The following STRADA variants were observed in gnomAD, a reference collection of about 807,000 sequenced individuals.
STRADA encodes STE20-related kinase adapter protein alpha.
A neutral mutation model predicts 55.0 loss-of-function variants in STRADA; 26 were observed. The ratio of observed to expected loss-of-function variants is 0.47; its 90% CI spans 0.35 to 0.66. The LOEUF (loss-of-function observed/expected upper bound fraction) is 0.66. Among genes scored for constraint, STRADA ranks in the 30% least tolerant of loss-of-function variants. STRADA has a pLI of 0.01. For missense variants in STRADA, 443 were observed against 549.7 expected (o/e 0.81, Z 1.94); for synonymous variants, 197 against 210.9 (o/e 0.93, Z 0.57).
At chr17:63,705,392 C>T (rs2036017702) in intron 10 of STRADA, 1 of 170,816 alleles carries the variant, frequency 5.9e-6, no homozygotes. Context: ...GGTGCTGCTT[C>T]TAGGCCTGGA....
At chr17:63,731,390 G>C (rs1479413100) in intron 1 of STRADA, among the ~76,000 whole-genome samples, 1 of 150,276 alleles carries the variant, frequency 6.7e-6, no homozygotes, top group African/African-American at 2.5e-5. Context: ...AGCCACCCCA[G>C]TAGCTGGGAT....
chr17:63,714,221 A>G (rs2036705098), intron 4 of STRADA, 113 bp from the exon 5 acceptor site: 1 of 734,594 alleles, frequency 1.4e-6, no homozygotes, highest in African/African-American at 1.7e-5. Flanking sequence ...CACACACACA[A>G]ATCCCGACTC....
chr17:63,707,128 C>A, intron 9 of STRADA, 119 bp downstream of exon 9: 3 of 1,339,122 alleles, frequency 2.2e-6, no homozygotes, highest in South Asian at 1.3e-5. Context: ...GGCTCCCTCC[C>A]TCCAGGAACC....
At position 63,707,419 on chromosome 17, in the gene STRADA, C is replaced by CT. The variant is rs771016577; in HGVS notation, c.582-2dup. ...CAGGATGTGGCTGGCTTTGACACTC[C>CT]TGGGGAAGCGGGGAGGGTGTCATGT... On this transcript the variant is annotated splice_acceptor_variant, in intron 8 of 12. Transcript: ENST00000336174. LOFTEE classifies it high-confidence loss of function. 3 of 1,612,106 alleles carry CT rather than the reference C, an allele frequency of 1.9e-6. No individual in the cohort carries two copies. Among genetic ancestry groups the CT allele is most frequent in the South Asian group, 1.1e-5 (1 of 91,060 alleles).
chr17:63,730,232 T>G, intron 1 of STRADA, among the ~76,000 whole-genome samples: 1 of 152,152 alleles, frequency 6.6e-6, no homozygotes. Flanking sequence ...TTATTAACTT[T>G]TTACAAACAC....
rs1349106012 is a variant in STRADA at position 63,740,143 on chromosome 17, TATATAC to T, written c.-45+1592_-45+1597del. Among the ~76,000 whole-genome samples, 47 of 46,598 alleles carry T rather than the reference TATATAC, an allele frequency of 1.0e-3. 2 individuals carry two copies. The highest frequency in any genetic ancestry group is 2.6e-3 in the African/African-American group (28 of 10,818). The allele number at this position is 46,598 out of a possible 152,430, so 30.6% of individuals were successfully genotyped here. On this transcript the variant is annotated intron_variant, in intron 1 of 12. Coordinates refer to ENST00000336174, the MANE Select transcript of STRADA (RefSeq NM_001003787.4). ...ATATATATATACACATACATATATA[TATATAC>T]ACACACACACACACACACACACACA...
intron 2 of STRADA, 53 bp downstream of exon 2, chr17:63,728,281 C>T: frequency 6.3e-7 from 1 of 1,591,296 alleles, no homozygotes; most frequent in Non-Finnish European, 8.6e-7. Context: ...CCAAAATACA[C>T]TGCTTTTCAG....
At chr17:63,736,099 G>A (rs2038403716) in intron 1 of STRADA, among the ~76,000 whole-genome samples, 1 of 152,014 alleles carries the variant, frequency 6.6e-6, no homozygotes, top group East Asian at 1.9e-4. Context: ...GTGCCACTAC[G>A]CCCGGCTGAT....
At chr17:63,714,826 G>T (rs1181418233) in intron 4 of STRADA, among the ~76,000 whole-genome samples, 1 of 152,238 alleles carries the variant, frequency 6.6e-6, no homozygotes, top group Admixed American at 6.5e-5. Context: ...CTAGAGGAAG[G>T]TGTCCAGCCA....
Position 63,738,751 on chromosome 17 carries a change from G to A in STRADA, c.-45+2990C>T, listed in dbSNP as rs148379243. Among the ~76,000 whole-genome samples, 747 of 152,020 alleles carry A rather than the reference G, an allele frequency of 4.9e-3. 7 individuals are homozygous for A. Among genetic ancestry groups the A allele is most frequent in the African/African-American group, 0.017 (722 of 41,440 alleles). ...CATGCACCTGTAGTCTCAGCTACTC[G>A]GGAGACTGAGGCAGGAGGTTGCAGT... On this transcript the variant is annotated intron_variant, in intron 1 of 12. Transcript: ENST00000336174.
At chr17:63,704,965 T>C (rs9897229) in intron 10 of STRADA, 944,745 of 1,474,448 alleles carry the variant, frequency 0.64, 307,208 homozygotes, top group African/African-American at 0.92. Flanking sequence ...TCTGCCATGC[T>C]CAGGTGGATC....
chr17:63,734,699 T>C (rs79358537), intron 1 of STRADA, among the ~76,000 whole-genome samples: 2,473 of 152,278 alleles, frequency 0.016, 70 homozygotes, highest in African/African-American at 0.055. Flanking sequence ...CAAACTAACT[T>C]CAACCTTGAC....
chr17:63,722,196 G>C (rs1405610889), intron 4 of STRADA, among the ~76,000 whole-genome samples: 1 of 152,158 alleles, frequency 6.6e-6, no homozygotes, highest in African/African-American at 2.4e-5. Flanking sequence ...ACCATGAAAT[G>C]CATTTTATTC....
At chr17:63,721,092 G>A (rs892428393) in intron 4 of STRADA, among the ~76,000 whole-genome samples, 3 of 149,828 alleles carry the variant, frequency 2.0e-5, no homozygotes, top group East Asian at 2.0e-4. Flanking sequence ...GTGAAGCTCC[G>A]GCTGGGCGTG....
intron 2 of STRADA, chr17:63,726,915 T>C (rs1181691751): frequency 1.7e-6 from 1 of 582,596 alleles, no homozygotes; most frequent in Non-Finnish European, 3.0e-6. Context: ...ATTCTTAAAT[T>C]TGACAGATGA....
chr17:63,707,000 C>T (rs1460217878), intron 9 of STRADA, among the ~76,000 whole-genome samples: 1 of 152,194 alleles, frequency 6.6e-6, no homozygotes, highest in Non-Finnish European at 1.5e-5. Flanking sequence ...AAAATGCTCA[C>T]TCTTCTCATA....
chr17:63,738,768 G>A (rs962626377), intron 1 of STRADA, among the ~76,000 whole-genome samples: 1 of 152,060 alleles, frequency 6.6e-6, no homozygotes, highest in Non-Finnish European at 1.5e-5. Flanking sequence ...TGAGGCAGGA[G>A]GTTGCAGTGA....
rs1202388195 is a variant in STRADA at position 63,728,414 on chromosome 17, C to T, written c.-44-1G>A. On this transcript the variant is annotated splice_acceptor_variant, in intron 1 of 12. Transcript: ENST00000336174. LOFTEE classifies it low-confidence loss of function (5UTR_SPLICE). ...CTACTTCAGTTTCAAAAACTTAAAC[C>T]TAAAAGGAAAATAGAAACAGGTTGA... 1 of 1,547,652 alleles carries T rather than the reference C, an allele frequency of 6.5e-7. No individual in the cohort carries two copies. Among genetic ancestry groups the T allele is most frequent in the Admixed American group, 1.9e-5 (1 of 52,100 alleles).
At chr17:63,733,876 T>A (rs138464988) in intron 1 of STRADA, among the ~76,000 whole-genome samples, 233 of 152,328 alleles carry the variant, frequency 1.5e-3, no homozygotes, top group African/African-American at 5.5e-3. Flanking sequence ...CTTCTTGCTT[T>A]GAGTCCTGTG....
Sources: allele counts gnomAD v4.1 joint callset (sites outside exome capture counted in the v4.1 genomes callset), GRCh38; gene constraint gnomAD v4.1.1; transcripts MANE v1.5; gene names NCBI Gene and HGNC (gene_info 2026-07-23, HGNC 2026-07-21).